Variants in PDE4B observed in about 807,000 individuals in gnomAD.
PDE4B encodes the protein phosphodiesterase 4B, also known as 3',5'-cyclic-AMP phosphodiesterase 4B.
PDE4B carries 20 observed loss-of-function variants against 82.2 expected under a neutral mutation model. That is an observed-to-expected ratio of 0.24 (90% CI 0.17 to 0.35). The LOEUF (loss-of-function observed/expected upper bound fraction) is 0.35, where lower values mean the gene tolerates loss of function less well. Among genes scored for constraint, PDE4B ranks in the 10% least tolerant of loss-of-function variants. PDE4B has a pLI of 1.00. For synonymous variants in PDE4B, 320 were observed against 318.9 expected (o/e 1.00, Z -0.04); for missense variants, 655 against 907.2 (o/e 0.72, Z 3.57).
chr1:65,856,034 C>T (rs757794106), intron 1 of PDE4B, among the ~76,000 whole-genome samples: 2 of 151,982 alleles, frequency 1.3e-5, no homozygotes, highest in African/African-American at 2.4e-5. Context: ...GCAGAAGTCT[C>T]CCAATTTATT....
chr1:66,133,143 A>T (rs1645986220), intron 3 of PDE4B, among the ~76,000 whole-genome samples: 1 of 152,168 alleles, frequency 6.6e-6, no homozygotes, highest in Non-Finnish European at 1.5e-5. Flanking sequence ...ATTGGGAGAT[A>T]AGGACTCAGA....
chr1:66,199,178 A>G (rs1648634813), intron 3 of PDE4B, among the ~76,000 whole-genome samples: 2 of 151,858 alleles, frequency 1.3e-5, no homozygotes, highest in Admixed American at 6.6e-5. Flanking sequence ...TCCCTGAGGA[A>G]TCGCCACACT....
intron 3 of PDE4B, among the ~76,000 whole-genome samples, chr1:65,996,016 G>C (rs960249116): frequency 2.0e-5 from 3 of 152,134 alleles, no homozygotes; most frequent in African/African-American, 7.2e-5. Flanking sequence ...ACTAATGGCA[G>C]AAGATTTAAG....
chr1:66,372,373 C>G lies in PDE4B; in HGVS notation c.1906C>G (p.Pro636Ala). ...GGAGACATGGGCAGATTTGGTACAG[C>G]CTGATGCTCAGGACATTCTCGATAC... is the stretch of plus-strand genomic sequence containing the variant. The part of the protein sequence containing the change: ...LWETWADLVQ[P>A]DAQDILDTLE... Residue 636 changes from proline to alanine, a missense_variant, in exon 17 of 17, where the codon CCT becomes GCT. By Grantham distance (27) the Pro-to-Ala change is conservative. Transcript: ENST00000341517. The G allele has an allele frequency of 6.2e-7, 1 of 1,614,002 alleles. No individual in the cohort carries two copies. Among genetic ancestry groups the G allele is most frequent in the Non-Finnish European group, 8.5e-7 (1 of 1,179,898 alleles).
chr1:66,064,910 A>G (rs973808664), intron 3 of PDE4B, among the ~76,000 whole-genome samples: 1 of 151,964 alleles, frequency 6.6e-6, no homozygotes, highest in Admixed American at 6.6e-5. Context: ...CCCCTAAACT[A>G]TATTATTGCT....
chr1:65,874,641 G>A (rs919269656), intron 1 of PDE4B, among the ~76,000 whole-genome samples: 51 of 151,924 alleles, frequency 3.4e-4, no homozygotes, highest in African/African-American at 1.2e-3. Context: ...AAATAACGCC[G>A]CATACCTACA....
intron 3 of PDE4B, among the ~76,000 whole-genome samples, chr1:66,181,882 G>T (rs756636261): frequency 6.6e-6 from 1 of 151,968 alleles, no homozygotes; most frequent in Non-Finnish European, 1.5e-5. Context: ...GCTATGATTG[G>T]CCTTGGATAG....
chr1:66,052,673 G>A (rs1056167560), intron 3 of PDE4B, among the ~76,000 whole-genome samples: 4 of 151,214 alleles, frequency 2.6e-5, no homozygotes, highest in Admixed American at 6.6e-5. Flanking sequence ...AATCCTTTCC[G>A]AGAAATGATT....
chr1:66,332,423 GGAATCAGCGGTGGTAGCGGT>G (rs1557705643), intron 7 of PDE4B, 65 bp from the exon 8 acceptor site: 10 of 1,614,170 alleles, frequency 6.2e-6, no homozygotes, highest in Non-Finnish European at 8.5e-6. Flanking sequence ...CAGTAGCACC[GGAATCAGCGGTGGTAGCGGT>G]GACTCTGCTA....
chr1:65,915,094 T>C (rs565528654), intron 2 of PDE4B, among the ~76,000 whole-genome samples: 2 of 152,358 alleles, frequency 1.3e-5, no homozygotes, highest in Admixed American at 1.3e-4. Flanking sequence ...TACCTGTTTC[T>C]TTTTACTTTT....
rs140129518 is a variant in PDE4B at position 65,842,415 on chromosome 1, T to C, written c.-71+49167T>C. Among the ~76,000 whole-genome samples, 481 of 152,254 alleles carry C rather than the reference T, an allele frequency of 3.2e-3. 4 individuals carry two copies. Among genetic ancestry groups the C allele is most frequent in the African/African-American group, 0.011 (454 of 41,552 alleles). On this transcript the variant is annotated intron_variant, in intron 1 of 16. Transcript: ENST00000341517. ...CCTGGCTCTTAGTAGTTTGAAGTCT[T>C]ATTGAGTGGTATAATAAAACATGCA...
At chr1:66,069,884 A>G (rs967535289) in intron 3 of PDE4B, among the ~76,000 whole-genome samples, 2 of 152,028 alleles carry the variant, frequency 1.3e-5, no homozygotes, top group Non-Finnish European at 2.9e-5. Context: ...ATTTATGATT[A>G]CAAAAAATAA....
intron 3 of PDE4B, among the ~76,000 whole-genome samples, chr1:65,938,653 T>C (rs1648282273): frequency 6.6e-6 from 1 of 152,242 alleles, no homozygotes; most frequent in South Asian, 2.1e-4. Flanking sequence ...ATGTAGCATG[T>C]ACAAGTTATT....
At chr1:65,826,941 C>A (rs936585225) in intron 1 of PDE4B, among the ~76,000 whole-genome samples, 2 of 152,136 alleles carry the variant, frequency 1.3e-5, no homozygotes, top group Non-Finnish European at 1.5e-5. Context: ...AAAGCTCCAA[C>A]AAGGAGTTTC....
At chr1:66,271,363 A>G (rs1655459683) in intron 7 of PDE4B, among the ~76,000 whole-genome samples, 1 of 152,204 alleles carries the variant, frequency 6.6e-6, no homozygotes, top group Non-Finnish European at 1.5e-5. Flanking sequence ...ACATTTTTGT[A>G]CTGCTGAGAA....
chr1:65,925,354 A>G (rs1233607019), intron 3 of PDE4B, among the ~76,000 whole-genome samples: 1 of 152,186 alleles, frequency 6.6e-6, no homozygotes, highest in African/African-American at 2.4e-5. Context: ...CCTTACTACT[A>G]TTTAAAAAAA....
intron 3 of PDE4B, among the ~76,000 whole-genome samples, chr1:65,997,629 T>G (rs1482730158): frequency 2.6e-5 from 4 of 152,200 alleles, no homozygotes; most frequent in Non-Finnish European, 4.4e-5. Context: ...CTGGTAATAT[T>G]GGAAATTTTT....
At chr1:66,061,466 C>G (rs765989228) in intron 3 of PDE4B, among the ~76,000 whole-genome samples, 1 of 151,690 alleles carries the variant, frequency 6.6e-6, no homozygotes, top group Non-Finnish European at 1.5e-5. Context: ...GGCAAAAAGA[C>G]AACCTATAAA....
At position 65,863,632 on chromosome 1, in the gene PDE4B, G is replaced by T. The variant is rs1485440336; in HGVS notation, c.-70-49613G>T. On this transcript the variant is annotated intron_variant, in intron 1 of 16. Transcript: ENST00000341517. The stretch of plus-strand genomic sequence containing the variant: ...TAAAGTCTCCCACTATTATTGTGTG[G>T]GAGTCTAAGTCTCTTTGTAGGTCTC... Among the ~76,000 whole-genome samples, 2 of 152,104 alleles carry T rather than the reference G, an allele frequency of 1.3e-5. 1 individual carries two copies. Among genetic ancestry groups the T allele is most frequent in the Non-Finnish European group, 2.9e-5 (2 of 68,014 alleles).
Sources: gnomAD v4.1 joint callset for allele counts (sites outside exome capture counted in the v4.1 genomes callset) on GRCh38, gnomAD v4.1.1 for gene constraint, MANE v1.5 for transcripts, NCBI Gene and HGNC (gene_info 2026-07-23, HGNC 2026-07-21) for gene names.